Variants in DTNB observed in about 807,000 individuals in gnomAD.
DTNB encodes DTN-B.
Under a neutral mutation model 90.7 loss-of-function variants are expected in DTNB, and 63 were observed. That is an observed-to-expected ratio of 0.69 (90% CI 0.57 to 0.86). DTNB has a LOEUF of 0.86. Ranked by LOEUF, DTNB falls within the 40% of genes least tolerant of loss-of-function variation. DTNB has a pLI of 0.00. For missense variants in DTNB, 744 were observed against 807.1 expected (o/e 0.92, Z 0.95); for synonymous variants, 277 against 286.7 (o/e 0.97, Z 0.34).
intron 5 of DTNB, among the ~76,000 whole-genome samples, chr2:25,604,613 G>A (rs2066676762): frequency 6.6e-6 from 1 of 151,752 alleles, no homozygotes; most frequent in Admixed American, 6.6e-5. Context: ...TTATTTTTTT[G>A]AGACAGTCTC....
At chr2:25,444,915 T>G (rs2058160366) in intron 12 of DTNB, among the ~76,000 whole-genome samples, 1 of 152,194 alleles carries the variant, frequency 6.6e-6, no homozygotes, top group Non-Finnish European at 1.5e-5. Flanking sequence ...AGTGGCTCAA[T>G]AGTTATAAGA....
rs529106589 is a variant in DTNB, at chr2:25,458,567, G to A, written c.1080-3073C>T. ...CAATGCAGCCTCAACCTCCTGGGCT[G>A]AAGCAATCCTCCTGCCTCAGTCTCC... is the stretch of plus-strand genomic sequence containing the variant. On this transcript the variant is annotated intron_variant, in intron 10 of 20. Transcript: ENST00000406818. Among the ~76,000 whole-genome samples, 4 of 151,888 alleles carry A rather than the reference G, an allele frequency of 2.6e-5. 1 individual carries two copies. The South Asian group carries it at 8.3e-4, about 32-fold the overall frequency.
At chr2:25,403,720 A>G (rs762967633) in intron 16 of DTNB, among the ~76,000 whole-genome samples, 2 of 152,214 alleles carry the variant, frequency 1.3e-5, no homozygotes, top group Non-Finnish European at 2.9e-5. Flanking sequence ...TTCAACAATG[A>G]CACTCTGCAC....
intron 12 of DTNB, among the ~76,000 whole-genome samples, chr2:25,444,371 A>G (rs1013465024): frequency 1.3e-5 from 2 of 151,896 alleles, no homozygotes; most frequent in Non-Finnish European, 2.9e-5. Context: ...TCTATTAAAA[A>G]CATACAAAAA....
chr2:25,668,228 G>A (rs1037483611), intron 1 of DTNB, among the ~76,000 whole-genome samples: 1 of 152,082 alleles, frequency 6.6e-6, no homozygotes, highest in Non-Finnish European at 1.5e-5. Context: ...CACAGAGTGA[G>A]ACTCAGTCTC....
intron 10 of DTNB, among the ~76,000 whole-genome samples, chr2:25,475,259 A>G (rs1470815345): frequency 6.6e-6 from 1 of 152,284 alleles, no homozygotes; most frequent in Admixed American, 6.5e-5. Context: ...ACTCCACTGT[A>G]CACAGAAATG....
At chr2:25,534,917 A>ACTT (rs2079093668) in intron 8 of DTNB, among the ~76,000 whole-genome samples, 1 of 142,744 alleles carries the variant, frequency 7.0e-6, no homozygotes, top group Non-Finnish European at 1.5e-5. Flanking sequence ...GGCACTCCCC[A>ACTT]CCTCCCAGAT....
At chr2:25,397,337 CAAAAAAA>C (rs749225408) in intron 16 of DTNB, among the ~76,000 whole-genome samples, 4 of 63,438 alleles carry the variant, frequency 6.3e-5, no homozygotes, top group African/African-American at 2.2e-4. Context: ...GACTCTGTCT[CAAAAAAA>C]AAAAAAAAAA....
intron 5 of DTNB, among the ~76,000 whole-genome samples, chr2:25,599,366 G>A (rs1559180944): frequency 6.6e-6 from 1 of 151,090 alleles, no homozygotes; most frequent in Non-Finnish European, 1.5e-5. Flanking sequence ...TTTTTAGACG[G>A]GGTCTCACTT....
At chr2:25,657,758 C>G (rs919752189) in intron 1 of DTNB, among the ~76,000 whole-genome samples, 3 of 151,908 alleles carry the variant, frequency 2.0e-5, no homozygotes, top group African/African-American at 7.3e-5. Context: ...AACTCAGTAA[C>G]AAAACAACAG....
intron 14 of DTNB, among the ~76,000 whole-genome samples, chr2:25,428,485 T>G (rs1240578848): frequency 1.3e-5 from 2 of 150,640 alleles, no homozygotes; most frequent in Non-Finnish European, 1.5e-5. Context: ...CAGGCTGGAG[T>G]GCAGTGGTGC....
In DTNB at chr2:25,635,079, G is replaced by A. The variant is rs71439186; in HGVS notation, c.148+3935C>T. Among the ~76,000 whole-genome samples the A allele has an allele frequency of 9.3e-4, 130 of 140,100 alleles. 1 individual carries two copies. In the South Asian group the frequency reaches 0.012, roughly 13 times the overall value. The allele number at this position is 140,100 out of a possible 152,430, so 91.9% of individuals were successfully genotyped here. On this transcript the variant is annotated intron_variant, in intron 3 of 20. Coordinates refer to ENST00000406818, the MANE Select transcript of DTNB (RefSeq NM_021907.5). ...AAAAAAAAATAAAAAAATAAAAAAA[G>A]AAAAAAAAAAAAAGAAATTTTAAAA... is the stretch of plus-strand genomic sequence containing the variant.
intron 3 of DTNB, among the ~76,000 whole-genome samples, chr2:25,629,296 T>C (rs1296262143): frequency 6.6e-6 from 1 of 152,202 alleles, no homozygotes; most frequent in African/African-American, 2.4e-5. Flanking sequence ...GAAAGTATAC[T>C]TTCCAACGCT....
chr2:25,641,958 C>A (rs778739164), intron 2 of DTNB, among the ~76,000 whole-genome samples: 1 of 152,058 alleles, frequency 6.6e-6, no homozygotes, highest in African/African-American at 2.4e-5. Flanking sequence ...GTAGCTGGGA[C>A]AACAGGCACC....
intron 16 of DTNB, among the ~76,000 whole-genome samples, chr2:25,404,277 T>C (rs984154428): frequency 6.6e-6 from 1 of 152,158 alleles, no homozygotes; most frequent in African/African-American, 2.4e-5. Flanking sequence ...AAAAGCAGCC[T>C]GGCCTGACGT....
intron 19 of DTNB, 40 bp from the exon 20 acceptor site, chr2:25,379,363 G>A: frequency 1.5e-6 from 2 of 1,309,204 alleles, no homozygotes; most frequent in Non-Finnish European, 2.0e-6. Flanking sequence ...TGAGGTCACG[G>A]CCAGGTCTTC....
intron 3 of DTNB, among the ~76,000 whole-genome samples, chr2:25,629,861 G>T (rs1051467356): frequency 6.6e-6 from 1 of 152,132 alleles, no homozygotes; most frequent in Non-Finnish European, 1.5e-5. Context: ...GACACTTCAA[G>T]TACAGGCAGC....
intron 5 of DTNB, among the ~76,000 whole-genome samples, chr2:25,605,391 G>A (rs1014767102): frequency 6.6e-6 from 1 of 152,042 alleles, no homozygotes; most frequent in Non-Finnish European, 1.5e-5. Flanking sequence ...TTCAATCTTG[G>A]TCACTTCGTG....
rs188283059 is a variant in DTNB at position 25,387,725 on chromosome 2, C to T, written c.1736-347G>A. On this transcript the variant is annotated intron_variant, in intron 17 of 20. Transcript: ENST00000406818. The surrounding 1 kb of genome is among the most constrained non-coding windows in gnomAD (Gnocchi z 4.5). ...TACTCTCCACAACCACCACTACCACCTCCCCTTCTCACCTCCAGCCCCAGC... is the reference window on the plus strand; with the variant it reads ...TACTCTCCACAACCACCACTACCACTTCCCCTTCTCACCTCCAGCCCCAGC... Among the ~76,000 whole-genome samples the T allele has an allele frequency of 6.6e-6, 1 of 152,300 alleles. No individual in the cohort carries two copies. The highest frequency in any genetic ancestry group is 1.5e-5 in the Non-Finnish European group (1 of 68,022).
Sources: allele counts gnomAD v4.1 joint callset (sites outside exome capture counted in the v4.1 genomes callset), GRCh38; gene constraint gnomAD v4.1.1; non-coding constraint Gnocchi (gnomAD v3.1); transcripts MANE v1.5; gene names NCBI Gene and HGNC (gene_info 2026-07-23, HGNC 2026-07-21).